HSF2: variants seen among roughly 807,000 people sequenced by gnomAD.
The protein encoded by HSF2 is heat shock factor protein 2.
In HSF2, 21 loss-of-function variants were observed where a neutral mutation model predicts 65.0. The ratio of observed to expected loss-of-function variants is 0.32; its 90% CI spans 0.23 to 0.47. The LOEUF (loss-of-function observed/expected upper bound fraction) is 0.47. HSF2 is among the 20% of genes least tolerant of loss of function. HSF2 has a pLI of 1.00. For synonymous variants in HSF2, 225 were observed against 219.1 expected, an observed-to-expected ratio of 1.03 and a Z score of -0.24; for missense variants, 499 against 628.1, an observed-to-expected ratio of 0.79 and a Z score of 2.20.
Position 122,422,740 on chromosome 6 carries a change from G to A in HSF2, c.853G>A (p.Val285Ile). The change falls in exon 9 of 13, where the codon GTC (valine) becomes ATC (isoleucine). Residue 285 changes from valine (V) to isoleucine (I), a missense_variant. By Grantham distance (29) the Val-to-Ile change is conservative. Transcript: ENST00000368455. ...PSNCSQYPDI[V>I]IVEDDNEDEY... is the part of the protein sequence containing the mutation. ...TAGCTGTAGCCAGTACCCTGATATT[G>A]TCATCGTTGAAGATGACAATGAAGA... 1.2e-6 allele frequency: 2 copies of A among 1,613,332 alleles called. No individual in the cohort carries two copies. Among genetic ancestry groups the A allele is most frequent in the Non-Finnish European group, 1.7e-6 (2 of 1,179,534 alleles).
chr6:122,401,208 T>G (rs1292206096), intron 1 of HSF2, among the ~76,000 whole-genome samples: 1 of 152,200 alleles, frequency 6.6e-6, no homozygotes, highest in Admixed American at 6.5e-5. Context: ...TTCTGTACAA[T>G]TGTACAAAGC....
rs747663699 is a variant in HSF2 at position 122,412,716 on chromosome 6, T to A, written c.282T>A (p.Pro94=). The change falls in exon 3 of 13, where the codon CCT becomes CCA. Residue 94 remains proline (P), a synonymous_variant. Coordinates refer to ENST00000368455, the MANE Select transcript of HSF2 (RefSeq NM_004506.4). The part of the protein sequence containing the change: ...ERDGPVEFQH[P]YFKQGQDDLL... ...ATGGTCCTGTAGAATTTCAGCATCC[T>A]TACTTCAAACAAGGACAGGATGACT... 7 of 1,612,946 alleles carry A rather than the reference T, an allele frequency of 4.3e-6. No individual in the cohort carries two copies. In the African/African-American group the frequency reaches 9.4e-5, roughly 22 times the overall value.
rs12191025 is a variant in HSF2 at position 122,418,158 on chromosome 6, A to C, written c.532-1010A>C. 2.9e-3 allele frequency among the ~76,000 whole-genome samples: 448 copies of C among 152,310 alleles called. 2 individuals are homozygous for C. The highest frequency in any genetic ancestry group is 0.016 in the South Asian group (76 of 4,826). On this transcript the variant is annotated intron_variant, in intron 5 of 12. Transcript: ENST00000368455. ...CTGCACAGAGTCTAAATAGTGCTCC[A>C]ATCAATTTTGGCTTTTATTCATAGC...
chr6:122,405,761 T>C (rs560344455), intron 1 of HSF2, among the ~76,000 whole-genome samples: 1 of 152,358 alleles, frequency 6.6e-6, no homozygotes, highest in East Asian at 1.9e-4. Context: ...ATATTGTCTG[T>C]ATCTGCTTTC....
At position 122,424,180 on chromosome 6, in the gene HSF2, ACCATCC is replaced by A. The variant is rs45562034; in HGVS notation, c.1176+496_1176+501del. ...AGGTTCCCCTGCTCCAGTCCCCACC[ACCATCC>A]CTATGAAGTTGACTTCAATATTGAC... On this transcript the variant is annotated intron_variant, in intron 10 of 12. Transcript: ENST00000368455. Among the ~76,000 whole-genome samples, 733 of 152,118 alleles carry A rather than the reference ACCATCC, an allele frequency of 4.8e-3. 5 individuals carry two copies. Among genetic ancestry groups the A allele is most frequent in the African/African-American group, 0.017 (691 of 41,526 alleles).
intron 10 of HSF2, among the ~76,000 whole-genome samples, chr6:122,425,828 T>C (rs1012672722): frequency 1.1e-4 from 17 of 152,258 alleles, no homozygotes; most frequent in Middle Eastern, 6.8e-3. Context: ...TATATCCAGC[T>C]CTTAACATTT....
chr6:122,401,876 G>A (rs748446991), intron 1 of HSF2, among the ~76,000 whole-genome samples: 1 of 152,118 alleles, frequency 6.6e-6, no homozygotes. Flanking sequence ...AGGATTTGAG[G>A]CTTGGACAGG....
chr6:122,431,364 T>G, intron 11 of HSF2, 66 bp from the exon 12 acceptor site: 3 of 688,412 alleles, frequency 4.4e-6, no homozygotes. Context: ...ATTGTATCAA[T>G]TTTTCATTTT....
chr6:122,427,844 A>G, intron 10 of HSF2, 59 bp from the exon 11 acceptor site: 2 of 1,303,480 alleles, frequency 1.5e-6, no homozygotes, highest in Non-Finnish European at 2.2e-6. Flanking sequence ...AAAATTTTGA[A>G]CACACAATTA....
chr6:122,400,178 C>T (rs1238573955), intron 1 of HSF2, among the ~76,000 whole-genome samples: 1 of 152,168 alleles, frequency 6.6e-6, no homozygotes, highest in African/African-American at 2.4e-5. Context: ...TTACTGCACA[C>T]TCATCCTCCG....
Position 122,422,182 on chromosome 6 carries a change from A to G in HSF2, c.714A>G (p.Pro238=). Residue 238 remains proline, a synonymous_variant, in exon 8 of 13, where the codon CCA becomes CCG. Transcript: ENST00000368455. ...ACAGTAGGACTGAAGGTTTAAAGCC[A>G]AGGGAGAGGATTTCAGATGACATCA... is the stretch of plus-strand genomic sequence containing the variant. ...VPHSRTEGLK[P]RERISDDIII... 6.2e-7 allele frequency: 1 copy of G among 1,606,698 alleles called. No homozygotes were observed. The highest frequency in any genetic ancestry group is 1.1e-5 in the South Asian group (1 of 90,692).
chr6:122,412,294 T>C (rs1774015833), intron 1 of HSF2, 79 bp from the exon 2 acceptor site: 4 of 828,548 alleles, frequency 4.8e-6, no homozygotes. Flanking sequence ...TCAAGACAGT[T>C]GTGGGATGTA....
intron 6 of HSF2, among the ~76,000 whole-genome samples, chr6:122,419,433 G>T (rs146291993): frequency 1.9e-4 from 29 of 152,092 alleles, no homozygotes; most frequent in Admixed American, 5.2e-4. Flanking sequence ...AGAGATAAGG[G>T]TAGCCTAAAT....
At position 122,431,960 on chromosome 6, in the gene HSF2, C is replaced by CT. The variant is rs750809314; in HGVS notation, c.1353dup (p.Ala452CysfsTer12). ...TATCCAGTATACCGCCTTTCCACTT[C>CT]TTGCATTCCTCGATGGGAACCCTGC... On this transcript the variant is annotated frameshift_variant, in exon 13 of 13. Transcript: ENST00000368455. LOFTEE classifies it high-confidence loss of function. 1 of 1,613,980 alleles carries CT rather than the reference C, an allele frequency of 6.2e-7. No individual in the cohort carries two copies. The highest frequency in any genetic ancestry group is 2.2e-5 in the East Asian group (1 of 44,876).
chr6:122,412,318 A>G, intron 1 of HSF2, 55 bp from the exon 2 acceptor site: 4 of 995,600 alleles, frequency 4.0e-6, no homozygotes. Flanking sequence ...ATATATCACC[A>G]TGTGTCATAG....
intron 1 of HSF2, among the ~76,000 whole-genome samples, chr6:122,400,186 C>T (rs1003441559): frequency 6.6e-5 from 10 of 152,256 alleles, no homozygotes; most frequent in African/African-American, 2.2e-4. Flanking sequence ...CACTCATCCT[C>T]CGTCCTCCCG....
chr6:122,407,002 T>C (rs1384136024), intron 1 of HSF2, among the ~76,000 whole-genome samples: 1 of 152,108 alleles, frequency 6.6e-6, no homozygotes, highest in African/African-American at 2.4e-5. Flanking sequence ...GTTTAGACCT[T>C]GTAACTGGTA....
intron 8 of HSF2, 76 bp from the exon 9 acceptor site, chr6:122,422,642 C>T (rs943420074): frequency 1.2e-5 from 18 of 1,476,332 alleles, no homozygotes; most frequent in Non-Finnish European, 1.7e-5. Context: ...AGAGAGTTTC[C>T]ATTTAGAATG....
At chr6:122,413,803 CCTTTA>C (rs1264773121) in intron 4 of HSF2, among the ~76,000 whole-genome samples, 154 bp downstream of exon 4, 2 of 151,880 alleles carry the variant, frequency 1.3e-5, no homozygotes, top group Non-Finnish European at 2.9e-5. Flanking sequence ...GTATTGGTTC[CCTTTA>C]CTTTGATTTG....
Sources: allele counts gnomAD v4.1 joint callset (sites outside exome capture counted in the v4.1 genomes callset), GRCh38; gene constraint gnomAD v4.1.1; transcripts MANE v1.5; gene names NCBI Gene and HGNC (gene_info 2026-07-23, HGNC 2026-07-21).